Variants in SRCIN1 observed in about 807,000 individuals in gnomAD.
SRCIN1 encodes the protein P130Cas-associated protein.
A neutral mutation model predicts 116.2 loss-of-function variants in SRCIN1; 50 were observed. The ratio of observed to expected loss-of-function variants is 0.43; its 90% CI spans 0.34 to 0.54. SRCIN1 has a LOEUF of 0.54. Among genes scored for constraint, SRCIN1 ranks in the 20% least tolerant of loss-of-function variants. The pLI is 0.02. For synonymous variants in SRCIN1, 736 were observed against 750.0 expected (o/e 0.98, Z 0.30); for missense variants, 1,446 against 1,672.0 (o/e 0.86, Z 2.36).
Position 38,578,806 on chromosome 17 carries a change from A to G in SRCIN1, c.23-15T>C. Reference sequence around the variant, plus strand: ...CCGCTCCGGATCTGCGAGAGGTGAGAGGGGCACGGCTGGGTCACGGCGCGC... The same window carrying G: ...CCGCTCCGGATCTGCGAGAGGTGAGGGGGGCACGGCTGGGTCACGGCGCGC... On this transcript the variant is annotated splice_polypyrimidine_tract_variant and intron_variant, in intron 1 of 18. Coordinates refer to ENST00000617146, the MANE Select transcript of SRCIN1 (RefSeq NM_025248.3). 1 of 1,477,412 alleles carries G rather than the reference A, an allele frequency of 6.8e-7. No individual in the cohort carries two copies. Among genetic ancestry groups the G allele is most frequent in the Non-Finnish European group, 9.0e-7 (1 of 1,116,558 alleles). 91.5% of individuals were successfully genotyped at this position (1,477,412 alleles called of 1,614,324 possible). A position where few individuals can be genotyped will look rare whatever the true frequency, so the allele number is the denominator to read the frequency against.
chr17:38,603,121 C>T (rs1045821861), intron 1 of SRCIN1, among the ~76,000 whole-genome samples: 2 of 151,874 alleles, frequency 1.3e-5, no homozygotes, highest in Non-Finnish European at 2.9e-5. Context: ...AAGAAGGAAT[C>T]AATGGTTCTA....
chr17:38,530,551 C>T lies in SRCIN1; in HGVS notation c.*2746G>A, dbSNP rs147525025. The T allele has an allele frequency of 4.7e-4, 72 of 152,732 alleles. No individual in the cohort carries two copies. In the Middle Eastern group the frequency reaches 0.01, roughly 21 times the overall value. The allele number at this position is 152,732 out of a possible 1,614,324, so 9.5% of individuals were successfully genotyped here. A position where few individuals can be genotyped will look rare whatever the true frequency, so the allele number is the denominator to read the frequency against. On this transcript the variant is annotated 3_prime_UTR_variant, in exon 19 of 19. Transcript: ENST00000617146. ...GAGAGGGCCAGCGGGGACGGGGGCT[C>T]AGGAAGGGATCTGGAGCCAGTGGTG...
chr17:38,592,906 AG>A (rs1244692889), intron 1 of SRCIN1, among the ~76,000 whole-genome samples: 1 of 152,076 alleles, frequency 6.6e-6, no homozygotes, highest in Non-Finnish European at 1.5e-5. Context: ...AAGTGAGGTA[AG>A]GAAGGGAGGG....
At position 38,562,781 on chromosome 17, in the gene SRCIN1, C is replaced by G; in HGVS notation, c.834+46G>C. ...CTGCCCAGACCCTGCTCCCCTGGAC[C>G]CCATGTGCCCAGCCTCCCCAATGCC... is the stretch of plus-strand genomic sequence containing the variant. On this transcript the variant is annotated intron_variant, in intron 6 of 18. Coordinates refer to ENST00000617146, the MANE Select transcript of SRCIN1 (RefSeq NM_025248.3). This position sits in a 1 kb window ranked among gnomAD's most constrained non-coding sequence, Gnocchi z 4.2. 4.5e-6 allele frequency: 7 copies of G among 1,542,552 alleles called. No individual in the cohort carries two copies. Among genetic ancestry groups the G allele is most frequent in the Non-Finnish European group, 6.2e-6 (7 of 1,120,416 alleles).
At position 38,559,663 on chromosome 17, in the gene SRCIN1, C is replaced by G; in HGVS notation, c.1947G>C (p.Gln649His). The G allele has an allele frequency of 6.2e-7, 1 of 1,601,830 alleles. No individual in the cohort carries two copies. The highest frequency in any genetic ancestry group is 8.5e-7 in the Non-Finnish European group (1 of 1,179,096). ...AGQPTAVSRL[Q>H]MQLHLRGLQN... Reference sequence around the variant, plus strand: ...GCAGGCCTCGCAGGTGAAGCTGCATCTGCAGCCGGCTAACGGCGGTAGGCT... The same window carrying G: ...GCAGGCCTCGCAGGTGAAGCTGCATGTGCAGCCGGCTAACGGCGGTAGGCT... Residue 649 changes from glutamine to histidine, a missense_variant, in exon 10 of 19, where the codon CAG becomes CAC. Physicochemically the swap from Gln to His is conservative, Grantham distance 24. Around this residue, in one of 5 missense-constraint regions of SRCIN1, gnomAD observed 398 missense variants for 385.6 expected, o/e 1.03. Transcript: ENST00000617146.
rs1555603741 is a variant in SRCIN1 at position 38,533,108 on chromosome 17, A to AAAC, written c.*188_*189insGTT. 5.8e-5 allele frequency: 27 copies of AAAC among 461,944 alleles called. No homozygotes were observed. Among genetic ancestry groups the AAAC allele is most frequent in the African/African-American group, 4.8e-4 (23 of 47,474 alleles). The allele number at this position is 461,944 out of a possible 1,614,324, so 28.6% of individuals were successfully genotyped here. A position where few individuals can be genotyped will look rare whatever the true frequency, so the allele number is the denominator to read the frequency against. Reference sequence around the variant, plus strand: ...AAAGTTAATTGTTAAAAAAAAAAAAAAAAACAAAACCAAAAACACCAACAG... The same window carrying AAAC: ...AAAGTTAATTGTTAAAAAAAAAAAAAAACAAAACAAAACCAAAAACACCAACAG... On this transcript the variant is annotated 3_prime_UTR_variant, in exon 19 of 19. Coordinates refer to ENST00000617146, the MANE Select transcript of SRCIN1 (RefSeq NM_025248.3).
intron 2 of SRCIN1, chr17:38,574,848 G>A (rs564740114): frequency 5.0e-6 from 2 of 400,896 alleles, no homozygotes; most frequent in Non-Finnish European, 8.8e-6. Flanking sequence ...CATGGGCTTG[G>A]GGGGTGGGGT....
rs374822347 is a variant in SRCIN1 at position 38,552,741 on chromosome 17, C to A, written c.2316G>T (p.Thr772=). ...KALVLKQLGE[T]LTELKAHFPG... ...CAGACCCACCCTTGAGCTCTGTCAGCGTCTCCCCGAGCTGCTTCAGCACCA... is the reference window on the plus strand; with the variant it reads ...CAGACCCACCCTTGAGCTCTGTCAGAGTCTCCCCGAGCTGCTTCAGCACCA... The change falls in exon 12 of 19, where the codon ACG becomes ACT. Residue 772 remains threonine (T), a synonymous_variant. Transcript: ENST00000617146. The surrounding 1 kb of genome is among the most constrained non-coding windows in gnomAD (Gnocchi z 5.3). 3 of 1,613,878 alleles carry A rather than the reference C, an allele frequency of 1.9e-6. No homozygotes were observed. Among genetic ancestry groups the A allele is most frequent in the South Asian group, 1.1e-5 (1 of 91,066 alleles).
In SRCIN1 at chr17:38,602,869, A is replaced by T. The variant is rs1246923834; in HGVS notation, c.22+2815T>A. 1.3e-5 allele frequency among the ~76,000 whole-genome samples: 2 copies of T among 152,088 alleles called. No homozygotes were observed. Among genetic ancestry groups the T allele is most frequent in the African/African-American group, 4.8e-5 (2 of 41,404 alleles). ...AGACGCCATGAACTGTTCTTCCTTG[A>T]GCCCCAAACTCAGCTCCCTCAGTTC... On this transcript the variant is annotated intron_variant, in intron 1 of 18. Coordinates refer to ENST00000617146, the MANE Select transcript of SRCIN1 (RefSeq NM_025248.3). The surrounding 1 kb of genome is among the most constrained non-coding windows in gnomAD (Gnocchi z 4.2).
At chr17:38,535,209 C>CTTTTTTTTTTTTT (rs71138630) in intron 18 of SRCIN1, among the ~76,000 whole-genome samples, 2 of 128,932 alleles carry the variant, frequency 1.6e-5, no homozygotes, top group African/African-American at 3.0e-5. Context: ...CTTTTTCTTT[C>CTTTTTTTTTTTTT]TTTTTTTTTT....
intron 2 of SRCIN1, among the ~76,000 whole-genome samples, chr17:38,575,896 T>C (rs1907389199): frequency 6.6e-6 from 1 of 152,120 alleles, no homozygotes; most frequent in Non-Finnish European, 1.5e-5. Flanking sequence ...CCACAAACAC[T>C]GCCTGAGCTG....
chr17:38,568,490 A>G lies in SRCIN1; in HGVS notation c.325-259T>C, dbSNP rs1906863978. ...GAGTTACTGGTGGGAAAAGGCACAG[A>G]GGATGGTGATAGAGCGAACCCATGA... On this transcript the variant is annotated intron_variant, in intron 2 of 18. Transcript: ENST00000617146. This position sits in a 1 kb window ranked among gnomAD's most constrained non-coding sequence, Gnocchi z 4.5. Among the ~76,000 whole-genome samples, 1 of 152,210 alleles carries G rather than the reference A, an allele frequency of 6.6e-6. No homozygotes were observed. Among genetic ancestry groups the G allele is most frequent in the Non-Finnish European group, 1.5e-5 (1 of 68,040 alleles).
Position 38,572,098 on chromosome 17 carries a change from T to C in SRCIN1, c.325-3867A>G, listed in dbSNP as rs546812003. Among the ~76,000 whole-genome samples, 4 of 152,162 alleles carry C rather than the reference T, an allele frequency of 2.6e-5. No homozygotes were observed. The South Asian group carries it at 8.3e-4, about 31-fold the overall frequency. ...ATGACCCCTCCTTGACCTCAAGCCC[T>C]GACCACGCACCTTCCAAGGAGGGAG... On this transcript the variant is annotated intron_variant, in intron 2 of 18. Coordinates refer to ENST00000617146, the MANE Select transcript of SRCIN1 (RefSeq NM_025248.3). The surrounding 1 kb of genome is among the most constrained non-coding windows in gnomAD (Gnocchi z 4.3).
At chr17:38,566,935 T>C (rs1906750198) in intron 3 of SRCIN1, among the ~76,000 whole-genome samples, 1 of 151,108 alleles carries the variant, frequency 6.6e-6, no homozygotes, top group Non-Finnish European at 1.5e-5. Context: ...CTTTCCTTCT[T>C]TCTCTCTCTC....
intron 18 of SRCIN1, among the ~76,000 whole-genome samples, chr17:38,540,120 C>T (rs1435446566): frequency 1.3e-5 from 2 of 151,984 alleles, no homozygotes; most frequent in South Asian, 2.1e-4. Context: ...GAGGGGGTGT[C>T]CATAGCTTCA....
intron 1 of SRCIN1, among the ~76,000 whole-genome samples, chr17:38,586,821 T>A (rs925363334): frequency 6.6e-6 from 1 of 152,218 alleles, no homozygotes; most frequent in Non-Finnish European, 1.5e-5. Context: ...GCCACTTAGT[T>A]GGTAAACGAG....
At chr17:38,578,814 G>C in intron 1 of SRCIN1, 23 bp from the exon 2 acceptor site, 1 of 1,461,570 alleles carries the variant, frequency 6.8e-7, no homozygotes, top group Non-Finnish European at 9.0e-7. Context: ...AGAGGGGCAC[G>C]GCTGGGTCAC....
At chr17:38,600,826 C>T (rs1383684503) in intron 1 of SRCIN1, among the ~76,000 whole-genome samples, 1 of 152,224 alleles carries the variant, frequency 6.6e-6, no homozygotes, top group Non-Finnish European at 1.5e-5. Flanking sequence ...GGGCAGGGGT[C>T]CCCTCGACTA....
chr17:38,603,588 G>A (rs989829802), intron 1 of SRCIN1, among the ~76,000 whole-genome samples: 4 of 152,142 alleles, frequency 2.6e-5, no homozygotes, highest in Non-Finnish European at 5.9e-5. Context: ...ACCAGCCATC[G>A]TGGAAAGGGC....
Sources: allele counts gnomAD v4.1 joint callset (sites outside exome capture counted in the v4.1 genomes callset), GRCh38; gene constraint gnomAD v4.1.1; regional missense constraint gnomAD v4.1.1; non-coding constraint Gnocchi (gnomAD v3.1); transcripts MANE v1.5; gene names NCBI Gene and HGNC (gene_info 2026-07-23, HGNC 2026-07-21).